The following PHACTR4 variants were observed in gnomAD, a reference collection of about 807,000 sequenced individuals.
The protein encoded by PHACTR4 is protein phosphatase 1, regulatory subunit 124.
A neutral mutation model predicts 72.7 loss-of-function variants in PHACTR4; 51 were observed. The ratio of observed to expected loss-of-function variants is 0.70; its 90% CI spans 0.56 to 0.89. PHACTR4 has a LOEUF of 0.89. PHACTR4 is among the 40% of genes least tolerant of loss of function. The pLI is 0.00. For synonymous variants in PHACTR4, 255 were observed against 302.5 expected, an observed-to-expected ratio of 0.84 and a Z score of 1.63; for missense variants, 731 against 861.8, an observed-to-expected ratio of 0.85 and a Z score of 1.90.
intron 2 of PHACTR4, among the ~76,000 whole-genome samples, chr1:28,421,790 T>C (rs1428516272): frequency 9.9e-5 from 15 of 152,198 alleles, no homozygotes; most frequent in Admixed American, 9.8e-4. Context: ...GGAAGGACAT[T>C]CCTGCTAGGA....
intron 2 of PHACTR4, among the ~76,000 whole-genome samples, chr1:28,458,637 AC>A (rs1658581160): frequency 6.6e-6 from 1 of 152,216 alleles, no homozygotes; most frequent in Admixed American, 6.5e-5. Flanking sequence ...TAAGTAAGGT[AC>A]TAACAATGTG....
chr1:28,433,445 C>CTTTTTTT (rs1335602574), intron 2 of PHACTR4, among the ~76,000 whole-genome samples: 2 of 145,896 alleles, frequency 1.4e-5, no homozygotes, highest in Non-Finnish European at 3.0e-5. Flanking sequence ...TTCTTTCTTT[C>CTTTTTTT]TTTTTTTTCT....
rs1336571093 is a variant in PHACTR4 at position 28,407,413 on chromosome 1, C to T, written c.-35C>T. The T allele has an allele frequency of 6.3e-7, 1 of 1,577,184 alleles. No homozygotes were observed. Among genetic ancestry groups the T allele is most frequent in the Non-Finnish European group, 8.7e-7 (1 of 1,151,734 alleles). On this transcript the variant is annotated 5_prime_UTR_variant, in exon 2 of 14. Transcript: ENST00000373839. ...ATTTACCTTTTTCTCTTTTTAGAAA[C>T]AGTATCTCACCTCCCTAAACTGGTT...
intron 1 of PHACTR4, among the ~76,000 whole-genome samples, chr1:28,390,475 C>G (rs989032119): frequency 6.6e-6 from 1 of 152,176 alleles, no homozygotes; most frequent in Non-Finnish European, 1.5e-5. Context: ...TTTAGTATTA[C>G]AGAATATAAT....
chr1:28,407,260 A>C (rs985301239), intron 1 of PHACTR4, 150 bp from the exon 2 acceptor site: 21 of 416,192 alleles, frequency 5.0e-5, no homozygotes, highest in Admixed American at 1.8e-4. Context: ...AAAAAAAAAA[A>C]AAAACTATCA....
At chr1:28,407,151 G>A (rs1023520470) in intron 1 of PHACTR4, among the ~76,000 whole-genome samples, 1 of 151,260 alleles carries the variant, frequency 6.6e-6, no homozygotes, top group Non-Finnish European at 1.5e-5. Context: ...GCCTGGCACA[G>A]TCTCAGGCTG....
chr1:28,407,139 C>T (rs1654393003), intron 1 of PHACTR4, among the ~76,000 whole-genome samples: 1 of 151,564 alleles, frequency 6.6e-6, no homozygotes, highest in Non-Finnish European at 1.5e-5. Context: ...AAATAACTCC[C>T]AGCCTGGCAC....
intron 6 of PHACTR4, among the ~76,000 whole-genome samples, chr1:28,473,232 C>T (rs567980568): frequency 4.0e-5 from 6 of 148,318 alleles, no homozygotes; most frequent in East Asian, 2.0e-4. Context: ...GCCAAGATCG[C>T]GCCACTGCAC....
intron 2 of PHACTR4, among the ~76,000 whole-genome samples, chr1:28,447,428 C>T (rs1218958401): frequency 3.5e-5 from 5 of 142,376 alleles, no homozygotes; most frequent in Admixed American, 7.1e-5. Context: ...CTCACTCTGT[C>T]GCCCAGGCTG....
chr1:28,410,861 C>T (rs186316318), intron 2 of PHACTR4, among the ~76,000 whole-genome samples: 8 of 152,142 alleles, frequency 5.3e-5, no homozygotes, highest in Non-Finnish European at 1.2e-4. Flanking sequence ...CACCTGCCAC[C>T]ATGCCCAGCT....
intron 9 of PHACTR4, among the ~76,000 whole-genome samples, chr1:28,487,375 A>G (rs973516517): frequency 2.6e-5 from 4 of 151,792 alleles, no homozygotes; most frequent in South Asian, 4.1e-4. Flanking sequence ...AAAAAAAAAT[A>G]AAAATAAAAT....
At chr1:28,383,412 TG>T (rs1451015826) in intron 1 of PHACTR4, among the ~76,000 whole-genome samples, 1 of 152,188 alleles carries the variant, frequency 6.6e-6, no homozygotes, top group African/African-American at 2.4e-5. Flanking sequence ...TTAATAGGAA[TG>T]GCATGGAATC....
intron 2 of PHACTR4, among the ~76,000 whole-genome samples, chr1:28,419,235 C>T (rs965334255): frequency 4.6e-5 from 7 of 151,506 alleles, no homozygotes; most frequent in Admixed American, 1.3e-4. Context: ...CCACCCGCCT[C>T]GGCCTCCCAG....
At chr1:28,475,729 C>CTTTT (rs71672836) in intron 7 of PHACTR4, among the ~76,000 whole-genome samples, 2 of 135,290 alleles carry the variant, frequency 1.5e-5, no homozygotes, top group African/African-American at 2.9e-5. Flanking sequence ...AGTCCTTTGT[C>CTTTT]TTTTTTTTTT....
chr1:28,396,704 G>T (rs1485424058), intron 1 of PHACTR4, among the ~76,000 whole-genome samples: 2 of 150,154 alleles, frequency 1.3e-5, no homozygotes, highest in African/African-American at 4.9e-5. Context: ...TGTCTCCCAG[G>T]CTGGAGTGCA....
At chr1:28,459,403 T>TTC (rs1658643047) in intron 3 of PHACTR4, 145 bp downstream of exon 3, 1 of 727,814 alleles carries the variant, frequency 1.4e-6, no homozygotes, top group African/African-American at 1.9e-5. Flanking sequence ...TTCTTTTTTT[T>TTC]TTTTTTTTTT....
intron 1 of PHACTR4, among the ~76,000 whole-genome samples, chr1:28,396,076 A>G (rs180717771): frequency 6.7e-4 from 101 of 151,408 alleles, no homozygotes; most frequent in African/African-American, 2.4e-3. Flanking sequence ...GCAAAAACAA[A>G]TTAAGTTCTT....
At chr1:28,378,161 C>T (rs1170102937) in intron 1 of PHACTR4, among the ~76,000 whole-genome samples, 12 of 138,798 alleles carry the variant, frequency 8.6e-5, no homozygotes, top group East Asian at 2.0e-4. Flanking sequence ...TGTGCCACTG[C>T]GCTCCAGCCT....
intron 10 of PHACTR4, 102 bp downstream of exon 10, chr1:28,489,327 G>T: frequency 2.1e-6 from 2 of 952,904 alleles, no homozygotes. Context: ...AAGGGCTAAG[G>T]GAGAGTGTTC....
Sources: gnomAD v4.1 joint callset for allele counts (sites outside exome capture counted in the v4.1 genomes callset) on GRCh38, gnomAD v4.1.1 for gene constraint, MANE v1.5 for transcripts, NCBI Gene and HGNC (gene_info 2026-07-23, HGNC 2026-07-21) for gene names.